The following EVI5 variants were observed in gnomAD, a reference collection of about 807,000 sequenced individuals.
EVI5 encodes the protein ecotropic viral integration site 5 protein homolog.
In EVI5, 73 loss-of-function variants were observed where a neutral mutation model predicts 112.0. The observed-to-expected ratio is 0.65, with a 90% CI of 0.54 to 0.79. EVI5 has a LOEUF of 0.79. EVI5 is among the 30% of genes least tolerant of loss of function. The pLI, the probability that EVI5 is intolerant of heterozygous loss-of-function variation, is 0.00. For synonymous variants in EVI5, 305 were observed against 319.9 expected, an observed-to-expected ratio of 0.95 and a Z score of 0.50; for missense variants, 900 against 968.8, an observed-to-expected ratio of 0.93 and a Z score of 0.94.
chr1:92,604,771 T>A (rs1472662836), intron 18 of EVI5, among the ~76,000 whole-genome samples: 1 of 152,144 alleles, frequency 6.6e-6, no homozygotes, highest in Non-Finnish European at 1.5e-5. Flanking sequence ...CACAAACACA[T>A]GAGTAATGTG....
intron 19 of EVI5, among the ~76,000 whole-genome samples, chr1:92,554,494 T>TA (rs1445078575): frequency 2.0e-5 from 3 of 152,324 alleles, no homozygotes; most frequent in African/African-American, 7.2e-5. Flanking sequence ...ACTTCTGGTT[T>TA]AAAAAATATG....
At chr1:92,693,176 A>T (rs1208840642) in intron 9 of EVI5, among the ~76,000 whole-genome samples, 1 of 151,950 alleles carries the variant, frequency 6.6e-6, no homozygotes, top group Non-Finnish European at 1.5e-5. Context: ...ACATAGTGAC[A>T]CTCTGTCTCT....
intron 10 of EVI5, among the ~76,000 whole-genome samples, chr1:92,668,652 C>T (rs1291981801): frequency 6.6e-6 from 1 of 152,148 alleles, no homozygotes; most frequent in Non-Finnish European, 1.5e-5. Flanking sequence ...CTCCCACAAA[C>T]AACTAACCAA....
At chr1:92,584,825 A>T (rs965491482) in intron 18 of EVI5, among the ~76,000 whole-genome samples, 3 of 152,244 alleles carry the variant, frequency 2.0e-5, no homozygotes, top group Non-Finnish European at 4.4e-5. Flanking sequence ...GGGATAAAAG[A>T]AATCAAATAT....
At chr1:92,705,612 T>TA (rs1404073092) in intron 2 of EVI5, among the ~76,000 whole-genome samples, 5 of 152,194 alleles carry the variant, frequency 3.3e-5, no homozygotes, top group Admixed American at 3.3e-4. Flanking sequence ...AACCCTGTGT[T>TA]AGGCCTCCTC....
chr1:92,589,611 A>G (rs1378885562), intron 18 of EVI5, among the ~76,000 whole-genome samples: 1 of 152,208 alleles, frequency 6.6e-6, no homozygotes, highest in Admixed American at 6.5e-5. Flanking sequence ...TAAACAACAC[A>G]GCCGAGAAGC....
chr1:92,772,582 G>T lies in EVI5; in HGVS notation c.-82+12254C>A, dbSNP rs146816752. Among the ~76,000 whole-genome samples, 199 of 151,780 alleles carry T rather than the reference G, an allele frequency of 1.3e-3. 2 individuals are homozygous for T. The highest frequency in any genetic ancestry group is 4.6e-3 in the African/African-American group (190 of 41,394). On this transcript the variant is annotated intron_variant, in intron 1 of 19. Coordinates refer to ENST00000684568, the MANE Select transcript of EVI5 (RefSeq NM_001350197.2). ...TCATTTATCCAAAATAAATGAAAGT[G>T]TATGTCTACAAAAAGACTCACAGCC...
chr1:92,543,775 A>T (rs181238897), intron 19 of EVI5, among the ~76,000 whole-genome samples: 77 of 152,356 alleles, frequency 5.1e-4, no homozygotes, highest in Admixed American at 9.8e-4. Context: ...AGTTTAAAAA[A>T]TTGTGAAAAT....
chr1:92,589,498 CCA>C (rs1673392773), intron 18 of EVI5, among the ~76,000 whole-genome samples: 1 of 152,142 alleles, frequency 6.6e-6, no homozygotes, highest in Admixed American at 6.5e-5. Context: ...GGTCCTACGC[CCA>C]CAGAGTCTCG....
intron 1 of EVI5, among the ~76,000 whole-genome samples, chr1:92,777,770 G>A (rs530122804): frequency 6.6e-6 from 1 of 152,142 alleles, no homozygotes; most frequent in East Asian, 1.9e-4. Context: ...CTAAAACAAG[G>A]ATAAAGAAAG....
At chr1:92,700,595 G>GC (rs1290372964) in intron 5 of EVI5, among the ~76,000 whole-genome samples, 1 of 152,044 alleles carries the variant, frequency 6.6e-6, no homozygotes, top group Non-Finnish European at 1.5e-5. Flanking sequence ...ACCACTGCTT[G>GC]CCCTGTCTTG....
chr1:92,730,645 G>T (rs895982753), intron 2 of EVI5, among the ~76,000 whole-genome samples: 1 of 142,430 alleles, frequency 7.0e-6, no homozygotes, highest in Non-Finnish European at 1.5e-5. Context: ...TTATGCCACT[G>T]CATTCCAGCC....
chr1:92,585,864 T>C (rs1408333080), intron 18 of EVI5, among the ~76,000 whole-genome samples: 1 of 151,846 alleles, frequency 6.6e-6, no homozygotes, highest in Non-Finnish European at 1.5e-5. Context: ...TTTTTTTTTT[T>C]CCTGTTTCTA....
At chr1:92,611,473 C>T (rs1351538844) in intron 16 of EVI5, among the ~76,000 whole-genome samples, 2 of 150,020 alleles carry the variant, frequency 1.3e-5, no homozygotes, top group East Asian at 1.9e-4. Context: ...CCAAGGCAGG[C>T]GGATCACAAG....
chr1:92,785,425 C>T (rs1053163536), upstream of EVI5, among the ~76,000 whole-genome samples: 1 of 152,228 alleles, frequency 6.6e-6, no homozygotes, highest in Admixed American at 6.5e-5. Context: ...CGCACCGACG[C>T]GGAGCCTGAC....
intron 1 of EVI5, among the ~76,000 whole-genome samples, chr1:92,766,732 A>AC (rs1414797722): frequency 6.6e-6 from 1 of 152,178 alleles, no homozygotes; most frequent in African/African-American, 2.4e-5. Context: ...GGTTTCAGCT[A>AC]CCTGCCATCA....
At chr1:92,790,306 C>G (rs1318876832) in intron 1 of EVI5, among the ~76,000 whole-genome samples, 4 of 151,936 alleles carry the variant, frequency 2.6e-5, no homozygotes, top group Admixed American at 2.6e-4. Flanking sequence ...GGGGCCCTGT[C>G]TCAAAAATAA....
intron 5 of EVI5, among the ~76,000 whole-genome samples, chr1:92,699,288 C>T (rs1670772283): frequency 6.6e-6 from 1 of 152,126 alleles, no homozygotes; most frequent in Non-Finnish European, 1.5e-5. Context: ...GGACTCTCAT[C>T]CTAAATGATT....
At chr1:92,784,086 G>A (rs925811261) in intron 1 of EVI5, among the ~76,000 whole-genome samples, 2 of 152,164 alleles carry the variant, frequency 1.3e-5, no homozygotes, top group Non-Finnish European at 2.9e-5. Flanking sequence ...ACCAGCAATA[G>A]ATAGGAGGAA....
Sources: gnomAD v4.1 joint callset for allele counts (sites outside exome capture counted in the v4.1 genomes callset) on GRCh38, gnomAD v4.1.1 for gene constraint, MANE v1.5 for transcripts, NCBI Gene and HGNC (gene_info 2026-07-23, HGNC 2026-07-21) for gene names.